The following RBPMS variants were observed in gnomAD, a reference collection of about 807,000 sequenced individuals.
The protein encoded by RBPMS is RNA binding protein, mRNA processing factor, also known as RNA-binding protein with multiple splicing.
Under a neutral mutation model 26.8 loss-of-function variants are expected in RBPMS, and 7 were observed. The observed-to-expected ratio is 0.26, with a 90% confidence interval of 0.15 to 0.49. The LOEUF (loss-of-function observed/expected upper bound fraction) is 0.49. Among genes scored for constraint, RBPMS ranks in the 20% least tolerant of loss-of-function variants. The pLI is 0.98. For synonymous variants in RBPMS, 96 were observed against 93.3 expected, an observed-to-expected ratio of 1.03 and a Z score of -0.17; for missense variants, 186 against 250.0, an observed-to-expected ratio of 0.74 and a Z score of 1.73.
chr8:30,474,663 A>C, intron 1 of RBPMS, 116 bp from the exon 2 acceptor site: 1 of 659,422 alleles, frequency 1.5e-6, no homozygotes. Context: ...TGGAAAGAGC[A>C]TGAATTTAGT....
chr8:30,457,056 A>G (rs1010319257), intron 1 of RBPMS, among the ~76,000 whole-genome samples: 1 of 152,214 alleles, frequency 6.6e-6, no homozygotes, highest in Non-Finnish European at 1.5e-5. Flanking sequence ...TTGCCTGCAC[A>G]TATCTTTGCC....
intron 1 of RBPMS, among the ~76,000 whole-genome samples, chr8:30,439,096 A>G (rs1425225600): frequency 6.6e-6 from 1 of 152,202 alleles, no homozygotes; most frequent in Non-Finnish European, 1.5e-5. Context: ...CTGAGGGGGA[A>G]TATCTGAGTT....
intron 5 of RBPMS, among the ~76,000 whole-genome samples, chr8:30,534,157 T>C (rs945139899): frequency 1.3e-5 from 2 of 152,082 alleles, no homozygotes; most frequent in African/African-American, 4.8e-5. Context: ...TTTTGTACTC[T>C]GACTTCTGAA....
chr8:30,452,857 G>A (rs753704414), intron 1 of RBPMS, among the ~76,000 whole-genome samples: 4 of 152,212 alleles, frequency 2.6e-5, no homozygotes, highest in Middle Eastern at 3.2e-3. Context: ...ACATTTAATA[G>A]TTACTGTTTG....
intron 6 of RBPMS, chr8:30,553,621 G>A (rs1375484485): frequency 1.3e-5 from 2 of 152,196 alleles, no homozygotes; most frequent in Non-Finnish European, 2.9e-5. Context: ...GCTCAGTGTT[G>A]GGAACGAGCC....
intron 1 of RBPMS, among the ~76,000 whole-genome samples, chr8:30,422,188 C>T (rs763613038): frequency 4.0e-5 from 6 of 151,094 alleles, no homozygotes; most frequent in Non-Finnish European, 1.5e-5. Flanking sequence ...TGCAGTGGTG[C>T]GATCTTGGCT....
chr8:30,539,422 C>T (rs1277750191), intron 5 of RBPMS, among the ~76,000 whole-genome samples: 1 of 152,076 alleles, frequency 6.6e-6, no homozygotes, highest in Non-Finnish European at 1.5e-5. Flanking sequence ...GAGTTCTGGT[C>T]TTAGTTCAGA....
chr8:30,529,876 C>G (rs1824023329), intron 5 of RBPMS, among the ~76,000 whole-genome samples: 1 of 151,902 alleles, frequency 6.6e-6, no homozygotes, highest in South Asian at 2.1e-4. Context: ...GCCTCAGTCT[C>G]CCGAATAGCT....
At chr8:30,453,669 T>C (rs964714345) in intron 1 of RBPMS, 1 of 152,164 alleles carries the variant, frequency 6.6e-6, no homozygotes, top group African/African-American at 2.4e-5. Context: ...AGGGTCTAAT[T>C]TTTCTCTGCC....
At chr8:30,530,778 C>A (rs1824130553) in intron 5 of RBPMS, among the ~76,000 whole-genome samples, 1 of 152,036 alleles carries the variant, frequency 6.6e-6, no homozygotes, top group South Asian at 2.1e-4. Flanking sequence ...GGGAAGTTTT[C>A]TTAAACCCTT....
intron 8 of RBPMS, among the ~76,000 whole-genome samples, chr8:30,568,420 G>A (rs898659586): frequency 2.0e-5 from 3 of 152,110 alleles, no homozygotes; most frequent in Admixed American, 6.5e-5. Flanking sequence ...GGCAGGCAGC[G>A]GGCATCCTGA....
intron 4 of RBPMS, among the ~76,000 whole-genome samples, chr8:30,481,593 C>T (rs1585613151): frequency 6.6e-6 from 1 of 151,918 alleles, no homozygotes. Flanking sequence ...ACTGTCCTCT[C>T]CTTTAATCAT....
chr8:30,488,395 T>G (rs761024022), intron 4 of RBPMS, among the ~76,000 whole-genome samples: 46 of 152,238 alleles, frequency 3.0e-4, no homozygotes, highest in Non-Finnish European at 5.4e-4. Context: ...AAGTCAGATG[T>G]AATGATGTCC....
At chr8:30,502,586 C>T (rs1203195488) in intron 4 of RBPMS, among the ~76,000 whole-genome samples, 2 of 152,160 alleles carry the variant, frequency 1.3e-5, no homozygotes, top group Admixed American at 1.3e-4. Flanking sequence ...CTATGTGTGT[C>T]TGATGGAGTG....
chr8:30,549,793 T>TCTCTCTCTCTCTCTCTCTCTCCCTCTCC (rs1464873852), intron 6 of RBPMS, among the ~76,000 whole-genome samples: 1 of 109,368 alleles, frequency 9.1e-6, no homozygotes, highest in African/African-American at 4.1e-5. Flanking sequence ...TCTCTCTCTC[T>TCTCTCTCTCTCTCTCTCTCTCCCTCTCC]CTCCCCTCTC....
At chr8:30,563,038 G>A (rs1345473506) in intron 7 of RBPMS, among the ~76,000 whole-genome samples, 1 of 152,248 alleles carries the variant, frequency 6.6e-6, no homozygotes, top group African/African-American at 2.4e-5. Flanking sequence ...TCTAATGGCA[G>A]AGAACTGTGG....
chr8:30,449,975 C>A (rs779287921), intron 1 of RBPMS, among the ~76,000 whole-genome samples: 1 of 152,200 alleles, frequency 6.6e-6, no homozygotes, highest in Non-Finnish European at 1.5e-5. Context: ...ACTAGGATGT[C>A]CTGTTTAGAA....
chr8:30,489,160 C>T (rs961708541), intron 4 of RBPMS, among the ~76,000 whole-genome samples: 1 of 151,516 alleles, frequency 6.6e-6, no homozygotes, highest in South Asian at 2.1e-4. Context: ...GCTCCTCCCA[C>T]CTCAGCCTCC....
At chr8:30,521,038 C>T (rs773156701) in intron 5 of RBPMS, among the ~76,000 whole-genome samples, 4 of 152,120 alleles carry the variant, frequency 2.6e-5, no homozygotes, top group Non-Finnish European at 5.9e-5. Flanking sequence ...TGTGTCTTTG[C>T]ACGTAAGATA....
Sources: gnomAD v4.1 joint callset for allele counts (sites outside exome capture counted in the v4.1 genomes callset) on GRCh38, gnomAD v4.1.1 for gene constraint, MANE v1.5 for transcripts, NCBI Gene and HGNC (gene_info 2026-07-23, HGNC 2026-07-21) for gene names.